SH3KBP1: variants seen among roughly 807,000 people sequenced by gnomAD.
The protein encoded by SH3KBP1 is SH3 domain containing kinase binding protein 1, also known as SH3 domain-containing kinase-binding protein 1.
Under a neutral mutation model 50.1 loss-of-function variants are expected in SH3KBP1, and 8 were observed. That is an observed-to-expected ratio of 0.16 (90% confidence interval 0.09 to 0.29). SH3KBP1 has a LOEUF of 0.29. Among genes scored for constraint, SH3KBP1 ranks in the 10% least tolerant of loss-of-function variants. SH3KBP1 has a pLI of 1.00. For synonymous variants in SH3KBP1, 227 were observed against 218.6 expected (o/e 1.04, Z -0.34); for missense variants, 377 against 535.2 (o/e 0.70, Z 2.92).
chrX:19,784,076 T>C (rs1262542336), intron 2 of SH3KBP1, among the ~76,000 whole-genome samples: 1 of 112,197 alleles, frequency 8.9e-6, no homozygotes, highest in African/African-American at 3.2e-5. Context: ...AAGAGACTTT[T>C]GGAAACCAGG....
chrX:19,622,220 T>C lies in SH3KBP1; in HGVS notation c.897+9644A>G, dbSNP rs372446604. 4.5e-5 allele frequency among the ~76,000 whole-genome samples: 5 copies of C among 112,252 alleles called. No individual in the cohort carries two copies. The East Asian group carries it at 1.1e-3, about 25-fold the overall frequency. On this transcript the variant is annotated intron_variant, in intron 8 of 17. Transcript: ENST00000397821. Reference sequence around the variant, plus strand: ...TATAAGGTATTTTTATAAAAATCAATTGGAAATGATGCATAAAATGTTCAA... The same window carrying C: ...TATAAGGTATTTTTATAAAAATCAACTGGAAATGATGCATAAAATGTTCAA...
At chrX:19,824,431 C>T (rs2067616169) in intron 2 of SH3KBP1, among the ~76,000 whole-genome samples, 1 of 111,404 alleles carries the variant, frequency 9.0e-6, no homozygotes, top group Non-Finnish European at 1.9e-5. Context: ...GCAGAATCAC[C>T]TGAACTTTTT....
chrX:19,784,861 G>A (rs1044478976), intron 2 of SH3KBP1, among the ~76,000 whole-genome samples: 2 of 111,121 alleles, frequency 1.8e-5, no homozygotes, highest in East Asian at 2.8e-4. Context: ...TGCTCACCTC[G>A]GCCTCCCAAA....
chrX:19,691,348 C>CTA (rs1474596689), intron 5 of SH3KBP1, among the ~76,000 whole-genome samples: 74 of 95,365 alleles, frequency 7.8e-4, no homozygotes, highest in African/African-American at 2.5e-3. Context: ...CTCTCTCTCT[C>CTA]TCTCTCTCTA....
At chrX:19,869,067 G>A (rs990507282) in intron 1 of SH3KBP1, among the ~76,000 whole-genome samples, 1 of 111,180 alleles carries the variant, frequency 9.0e-6, no homozygotes. Context: ...TCAGGGTGAT[G>A]TGAGGAAGAG....
At chrX:19,719,200 C>A (rs184522534) in intron 3 of SH3KBP1, among the ~76,000 whole-genome samples, 4 of 111,290 alleles carry the variant, frequency 3.6e-5, no homozygotes, top group Non-Finnish European at 7.5e-5. Flanking sequence ...AGCTCTTTCA[C>A]GCACATCTGT....
intron 4 of SH3KBP1, among the ~76,000 whole-genome samples, chrX:19,703,696 CTGTGTGTGTGTG>C (rs56915755): frequency 0.046 from 2,914 of 63,435 alleles, 65 homozygotes; most frequent in African/African-American, 0.063. Context: ...AAAAGAGAAA[CTGTGTGTGTGTG>C]TGTGTGTGTG....
chrX:19,696,549 G>A (rs73459695), intron 4 of SH3KBP1, among the ~76,000 whole-genome samples: 5,126 of 111,195 alleles, frequency 0.046, 301 homozygotes, highest in African/African-American at 0.16. Context: ...GGAAGGCTGA[G>A]TCGGGGGAGC....
At position 19,668,969 on chromosome X, in the gene SH3KBP1, TA is replaced by T. The variant is rs1569405056; in HGVS notation, c.726+14853del. Among the ~76,000 whole-genome samples the T allele has an allele frequency of 7.4e-3, 373 of 50,657 alleles. 3 individuals are homozygous for T. The highest frequency in any genetic ancestry group is 0.026 in the East Asian group (64 of 2,418). The allele number at this position is 50,657 out of a possible 115,157, so 44.0% of individuals were successfully genotyped here. Reference sequence around the variant, plus strand: ...ATATATATATATATATATATATATATATATATTTTTTGAGACAGGCTGTCAC... The same window carrying T: ...ATATATATATATATATATATATATATTATATTTTTTGAGACAGGCTGTCAC... On this transcript the variant is annotated intron_variant, in intron 6 of 17. Transcript: ENST00000397821.
At chrX:19,564,417 G>A (rs766544581) in intron 13 of SH3KBP1, among the ~76,000 whole-genome samples, 8 of 111,383 alleles carry the variant, frequency 7.2e-5, no homozygotes, top group African/African-American at 2.3e-4. Flanking sequence ...TGTAATACCC[G>A]TTTAAACACT....
chrX:19,771,535 G>C (rs1261446330), intron 2 of SH3KBP1, among the ~76,000 whole-genome samples: 1 of 111,825 alleles, frequency 8.9e-6, no homozygotes, highest in Non-Finnish European at 1.9e-5. Context: ...CATTACTGAT[G>C]TTGTAGAAAA....
rs540023910 is a variant in SH3KBP1, at chrX:19,824,592, T to A, written c.162+11533A>T. Among the ~76,000 whole-genome samples the A allele has an allele frequency of 2.7e-4, 30 of 112,273 alleles. No homozygotes were observed. In the South Asian group the frequency reaches 0.01, roughly 38 times the overall value. ...AACAAGTTTAAATATCCAGTAATGA[T>A]CACGGTGATATCTCAGATGGTTTAG... On this transcript the variant is annotated intron_variant, in intron 2 of 17. Transcript: ENST00000397821.
intron 2 of SH3KBP1, among the ~76,000 whole-genome samples, chrX:19,794,834 A>AT (rs1489572979): frequency 1.8e-5 from 2 of 111,859 alleles, no homozygotes; most frequent in South Asian, 3.7e-4. Context: ...GCTAGCTACG[A>AT]TTTTTTTTGT....
chrX:19,654,996 T>C (rs763083073), intron 6 of SH3KBP1, among the ~76,000 whole-genome samples: 9 of 112,028 alleles, frequency 8.0e-5, no homozygotes, highest in Non-Finnish European at 1.5e-4. Flanking sequence ...TACCTGGAGA[T>C]GGCACCTCCT....
At chrX:19,792,265 G>T (rs1442201534) in intron 2 of SH3KBP1, among the ~76,000 whole-genome samples, 1 of 111,716 alleles carries the variant, frequency 9.0e-6, no homozygotes, top group Non-Finnish European at 1.9e-5. Flanking sequence ...ACAGCTTTTG[G>T]TATGGCTCTA....
chrX:19,685,035 G>A (rs1185413570), intron 5 of SH3KBP1, among the ~76,000 whole-genome samples: 3 of 112,166 alleles, frequency 2.7e-5, no homozygotes, highest in Non-Finnish European at 5.6e-5. Flanking sequence ...ATATTTTATG[G>A]AATACTAAAC....
At chrX:19,796,940 T>C (rs1331541403) in intron 2 of SH3KBP1, among the ~76,000 whole-genome samples, 1 of 112,150 alleles carries the variant, frequency 8.9e-6, no homozygotes, top group African/African-American at 3.2e-5. Context: ...CTCTATCAGC[T>C]TGCAGTCACA....
chrX:19,630,597 A>T (rs1345978712), intron 8 of SH3KBP1, among the ~76,000 whole-genome samples: 4 of 111,871 alleles, frequency 3.6e-5, no homozygotes, highest in Non-Finnish European at 7.5e-5. Context: ...TTTACAGGTA[A>T]AAAGATGGAC....
intron 8 of SH3KBP1, among the ~76,000 whole-genome samples, chrX:19,628,137 T>A (rs2061497624): frequency 8.9e-6 from 1 of 112,349 alleles, no homozygotes; most frequent in African/African-American, 3.2e-5. Flanking sequence ...TGGCATGTTT[T>A]CTTTCCAAAT....
Sources: allele counts gnomAD v4.1 joint callset (sites outside exome capture counted in the v4.1 genomes callset), GRCh38; gene constraint gnomAD v4.1.1; transcripts MANE v1.5; gene names NCBI Gene and HGNC (gene_info 2026-07-23, HGNC 2026-07-21).